ANK2: variants seen among roughly 807,000 people sequenced by gnomAD.
ANK2 encodes the protein ankyrin-2.
In ANK2, 83 loss-of-function variants were observed where a neutral mutation model predicts 360.5. The observed-to-expected ratio is 0.23, with a 90% CI of 0.19 to 0.28. ANK2 has a LOEUF of 0.28. Among genes scored for constraint, ANK2 ranks in the 10% least tolerant of loss-of-function variants. ANK2 has a pLI of 1.00. For missense variants in ANK2, 4,201 were observed against 4,795.7 expected, an observed-to-expected ratio of 0.88 and a Z score of 3.66; for synonymous variants, 1,740 against 1,759.5, an observed-to-expected ratio of 0.99 and a Z score of 0.28.
At chr4:112,746,578 T>C in the ANK2 span, among the ~76,000 whole-genome samples, 1 of 152,014 alleles carries the variant, frequency 6.6e-6, no homozygotes, top group Admixed American at 6.6e-5. Flanking sequence ...TGCATAATTT[T>C]CTGGATAAAG....
chr4:112,890,456 G>A (rs1459021161), intron 1 of ANK2, among the ~76,000 whole-genome samples: 6 of 149,536 alleles, frequency 4.0e-5, no homozygotes, highest in Non-Finnish European at 8.9e-5. Context: ...GTCCTTCAAA[G>A]AATGCATTCT....
At position 113,381,793 on chromosome 4, in the gene ANK2, C is replaced by T; in HGVS notation, c.*322C>T. On this transcript the variant is annotated 3_prime_UTR_variant, in exon 46 of 46. Transcript: ENST00000357077. ...ACGGCATTTTGCTTTAGTTTTCCCC[C>T]ATCCTCTTTAACTATAAAGCTAATT... 1.4e-6 allele frequency: 1 copy of T among 738,526 alleles called. No individual in the cohort carries two copies. Among genetic ancestry groups the T allele is most frequent in the Admixed American group, 2.7e-5 (1 of 36,698 alleles). The allele number at this position is 738,526 out of a possible 1,614,324, so 45.7% of individuals were successfully genotyped here. A position where few individuals can be genotyped will look rare whatever the true frequency, so the allele number is the denominator to read the frequency against.
At chr4:112,805,078 G>C in the ANK2 span, among the ~76,000 whole-genome samples, 3 of 152,182 alleles carry the variant, frequency 2.0e-5, no homozygotes, top group African/African-American at 7.2e-5. Flanking sequence ...GAATAGGTTG[G>C]AGATGTAGAA....
the ANK2 span, among the ~76,000 whole-genome samples, chr4:112,771,367 C>T: frequency 2.3e-4 from 35 of 152,168 alleles, no homozygotes; most frequent in Non-Finnish European, 3.8e-4. Context: ...ATCTGCCTGC[C>T]TCAGCCTCCT....
At chr4:112,784,119 T>C in the ANK2 span, among the ~76,000 whole-genome samples, 1 of 152,156 alleles carries the variant, frequency 6.6e-6, no homozygotes, top group Non-Finnish European at 1.5e-5. Context: ...TTTCTTGTGA[T>C]AAGCAATGCT....
chr4:113,038,781 AC>A (rs1318354428), intron 2 of ANK2, among the ~76,000 whole-genome samples: 2 of 152,020 alleles, frequency 1.3e-5, no homozygotes, highest in Non-Finnish European at 2.9e-5. Flanking sequence ...TACAGTGAAA[AC>A]CCAAGCCATG....
chr4:113,293,507 T>A lies in ANK2; in HGVS notation c.2444T>A (p.Val815Asp). 1.2e-6 allele frequency: 2 copies of A among 1,613,644 alleles called. No individual in the cohort carries two copies. Among genetic ancestry groups the A allele is most frequent in the Non-Finnish European group, 1.7e-6 (2 of 1,179,986 alleles). Residue 815 changes from valine to aspartate, a missense_variant, in exon 22 of 46, where the codon GTT (valine) becomes GAT (aspartate). Transcript: ENST00000357077. ...ATCTCCGTGGTCGACACCCTGAAGGTTGTGACTGAGGAGGTCACCACCACC... is the reference window on the plus strand; with the variant it reads ...ATCTCCGTGGTCGACACCCTGAAGGATGTGACTGAGGAGGTCACCACCACC... ...GYISVVDTLK[V>D]VTEEVTTTTT...
chr4:112,807,140 C>G, the ANK2 span, among the ~76,000 whole-genome samples: 1 of 152,180 alleles, frequency 6.6e-6, no homozygotes, highest in Non-Finnish European at 1.5e-5. Flanking sequence ...CTCCATACAT[C>G]TCAATTAAGC....
the ANK2 span, among the ~76,000 whole-genome samples, chr4:112,743,032 T>G: frequency 6.6e-6 from 1 of 152,240 alleles, no homozygotes; most frequent in South Asian, 2.1e-4. Context: ...ATACTTGGCA[T>G]GAAGAATATG....
chr4:113,275,241 C>A (rs2059809504), intron 15 of ANK2, among the ~76,000 whole-genome samples: 1 of 152,232 alleles, frequency 6.6e-6, no homozygotes, highest in East Asian at 1.9e-4. Flanking sequence ...TGACATCGAG[C>A]AAAGAATTTT....
chr4:113,140,211 A>G (rs892656466), intron 1 of ANK2, among the ~76,000 whole-genome samples: 5 of 152,234 alleles, frequency 3.3e-5, no homozygotes, highest in African/African-American at 4.8e-5. Flanking sequence ...ATTCCCAAAG[A>G]CAGGAGAACT....
intron 1 of ANK2, among the ~76,000 whole-genome samples, chr4:112,839,115 G>T (rs746072832): frequency 2.6e-5 from 4 of 151,996 alleles, no homozygotes; most frequent in Admixed American, 6.6e-5. Context: ...TGCACCCCTC[G>T]TTTGGTAACA....
At chr4:113,191,687 T>C (rs1045080084) in intron 2 of ANK2, among the ~76,000 whole-genome samples, 9 of 152,200 alleles carry the variant, frequency 5.9e-5, no homozygotes, top group East Asian at 2.0e-4. Context: ...GAAATAATAA[T>C]ACCTTACATT....
the ANK2 span, among the ~76,000 whole-genome samples, chr4:112,740,673 G>T: frequency 6.6e-6 from 1 of 151,846 alleles, no homozygotes; most frequent in Non-Finnish European, 1.5e-5. Context: ...TTTCACGTCA[G>T]CCTGGGCAAC....
the ANK2 span, among the ~76,000 whole-genome samples, chr4:112,746,454 G>A: frequency 6.7e-6 from 1 of 149,612 alleles, no homozygotes; most frequent in Admixed American, 6.7e-5. Context: ...GTTGCAGTGA[G>A]CTGAGATTGC....
intron 2 of ANK2, among the ~76,000 whole-genome samples, chr4:112,974,298 G>T (rs889015792): frequency 1.3e-5 from 2 of 152,172 alleles, no homozygotes; most frequent in Admixed American, 1.3e-4. Context: ...GATTTAGCAA[G>T]AAAATGTTTT....
chr4:112,748,379 T>C, the ANK2 span, among the ~76,000 whole-genome samples: 1 of 152,222 alleles, frequency 6.6e-6, no homozygotes, highest in Non-Finnish European at 1.5e-5. Flanking sequence ...TTGAGCCTGC[T>C]ATGGAAATGT....
chr4:113,258,557 A>G, intron 13 of ANK2, 146 bp downstream of exon 13: 1 of 794,260 alleles, frequency 1.3e-6, no homozygotes, highest in South Asian at 1.4e-5. Flanking sequence ...ACATTATTGA[A>G]ATAATCACCA....
chr4:113,065,545 G>A (rs2075258777), intron 1 of ANK2, among the ~76,000 whole-genome samples: 1 of 152,160 alleles, frequency 6.6e-6, no homozygotes, highest in African/African-American at 2.4e-5. Flanking sequence ...CCAGAATCAT[G>A]TACGTAGTTA....
Sources: gnomAD v4.1 joint callset for allele counts (sites outside exome capture counted in the v4.1 genomes callset) on GRCh38, gnomAD v4.1.1 for gene constraint, MANE v1.5 for transcripts, NCBI Gene and HGNC (gene_info 2026-07-23, HGNC 2026-07-21) for gene names.